RNF213: variants seen among roughly 807,000 people sequenced by gnomAD.
The protein encoded by RNF213 is ring finger protein 213.
RNF213 carries 341 observed loss-of-function variants against 514.4 expected under a neutral mutation model. The observed-to-expected ratio is 0.66, with a 90% CI of 0.61 to 0.73. The LOEUF is 0.73. Ranked by LOEUF, RNF213 falls within the 30% of genes least tolerant of loss-of-function variation. The pLI, the probability that RNF213 is intolerant of heterozygous loss-of-function variation, is 0.00. For missense variants in RNF213, 5,767 were observed against 6,615.6 expected, an observed-to-expected ratio of 0.87 and a Z score of 4.45; for synonymous variants, 2,655 against 2,658.2, an observed-to-expected ratio of 1.00 and a Z score of 0.04.
intron 1 of RNF213, among the ~76,000 whole-genome samples, chr17:80,262,740 C>G (rs563391103): frequency 6.6e-6 from 1 of 152,326 alleles, no homozygotes; most frequent in African/African-American, 2.4e-5. Context: ...CCACACAGGT[C>G]AAGCCAGGGA....
intron 57 of RNF213, chr17:80,382,630 G>C (rs1204592973): frequency 3.0e-6 from 1 of 338,230 alleles, no homozygotes; most frequent in African/African-American, 2.2e-5. Context: ...CTCCACATCT[G>C]TGTGGTCTGC....
intron 55 of RNF213, among the ~76,000 whole-genome samples, chr17:80,380,216 C>A (rs2079932255): frequency 6.6e-6 from 1 of 152,204 alleles, no homozygotes; most frequent in East Asian, 1.9e-4. Context: ...ATCCCACAAT[C>A]CCATGCTGAG....
intron 19 of RNF213, among the ~76,000 whole-genome samples, 154 bp from the exon 20 acceptor site, chr17:80,328,174 T>C (rs1196440013): frequency 6.6e-6 from 1 of 152,244 alleles, no homozygotes; most frequent in Non-Finnish European, 1.5e-5. Context: ...GGGAAAGTGA[T>C]AAAATAATGG....
intron 56 of RNF213, chr17:80,381,322 C>A (rs1458321100): frequency 3.2e-6 from 2 of 617,592 alleles, no homozygotes; most frequent in East Asian, 2.8e-5. Flanking sequence ...ACCAAGATGG[C>A]CAACAGTACA....
chr17:80,273,189 C>T (rs1038231022), intron 2 of RNF213, 52 bp from the exon 3 acceptor site: 87 of 1,609,046 alleles, frequency 5.4e-5, no homozygotes, highest in Non-Finnish European at 7.3e-5. Flanking sequence ...TTTTTCCTTC[C>T]TAACACTCGC....
intron 25 of RNF213, 38 bp from the exon 26 acceptor site, chr17:80,339,163 T>C: frequency 6.9e-7 from 1 of 1,446,248 alleles, no homozygotes. Context: ...CCCTCTCGCA[T>C]GGCTCTGTGA....
At chr17:80,370,831 C>T (rs1423742231) in intron 46 of RNF213, among the ~76,000 whole-genome samples, 6 of 152,188 alleles carry the variant, frequency 3.9e-5, no homozygotes, top group Non-Finnish European at 8.8e-5. Context: ...TCCTGGAAAT[C>T]AGCAAAGTGA....
rs376786732 is a variant in RNF213, at chr17:80,289,788, G to A, written c.1063G>A (p.Glu355Lys). 2.9e-5 allele frequency: 46 copies of A among 1,613,264 alleles called. No individual in the cohort carries two copies. Among genetic ancestry groups the A allele is most frequent in the Non-Finnish European group, 3.6e-5 (43 of 1,179,800 alleles). The change falls in exon 6 of 68, where the codon GAG becomes AAG. Residue 355 changes from glutamate (E) to lysine (K), a missense_variant. Physicochemically the swap from Glu to Lys is moderately conservative, Grantham distance 56. Coordinates refer to ENST00000582970, the MANE Select transcript of RNF213 (RefSeq NM_001256071.3). ...KNRSAAAVKN[E>K]KEQKNQEADV... The stretch of plus-strand genomic sequence containing the variant: ...CAGAAGTGCAGCTGCTGTGAAAAAC[G>A]AGAAGGAGCAAAAAAACCAGGAAGC...
rs1221201130 is a variant in RNF213, at chr17:80,394,632, T to C, written c.*1134T>C. 1 of 152,206 alleles carries C rather than the reference T, an allele frequency of 6.6e-6. No individual in the cohort carries two copies. The highest frequency in any genetic ancestry group is 2.4e-5 in the African/African-American group (1 of 41,442). The allele number at this position is 152,206 out of a possible 1,614,324, so 9.4% of individuals were successfully genotyped here. On this transcript the variant is annotated 3_prime_UTR_variant, in exon 68 of 68. Coordinates refer to ENST00000582970, the MANE Select transcript of RNF213 (RefSeq NM_001256071.3). ...CAGTATCCTTAATATTCATTCTAAA[T>C]GAGTTAACGACTTAACTTGAAATTG...
At position 80,388,663 on chromosome 17, in the gene RNF213, A is replaced by G. The variant is rs747883098; in HGVS notation, c.14974A>G (p.Met4992Val). The G allele has an allele frequency of 3.7e-6, 6 of 1,612,268 alleles. No individual in the cohort carries two copies. The highest frequency in any genetic ancestry group is 1.8e-4 in the Middle Eastern group (1 of 5,564). ...CGACTGGAACTATGAACATCTCTTT[A>G]TGGACATCAAGAACAAAATGGCACA... ...RHDWNYEHLF[M>V]DIKNKMAQDS... The change falls in exon 64 of 68, where the codon ATG (methionine) becomes GTG (valine). Residue 4992 changes from methionine to valine, a missense_variant. This residue lies in a region of RNF213 where 1,245 missense variants were observed against 1,339.0 expected (regional missense o/e 0.93). Coordinates refer to ENST00000582970, the MANE Select transcript of RNF213 (RefSeq NM_001256071.3).
intron 31 of RNF213, among the ~76,000 whole-genome samples, chr17:80,350,953 CAGT>C (rs1364274543): frequency 1.3e-5 from 2 of 152,344 alleles, no homozygotes; most frequent in East Asian, 1.9e-4. Context: ...AGGGAAACAA[CAGT>C]AGGTAAATGC....
chr17:80,274,052 C>G (rs935593360), intron 3 of RNF213, among the ~76,000 whole-genome samples: 2 of 152,158 alleles, frequency 1.3e-5, no homozygotes, highest in Non-Finnish European at 2.9e-5. Flanking sequence ...ATTGAGGGTG[C>G]AAGCTCAGAG....
At chr17:80,379,863 CCAGCAGTCACA>C in intron 55 of RNF213, 149 bp downstream of exon 55, 1 of 713,890 alleles carries the variant, frequency 1.4e-6, no homozygotes, top group East Asian at 2.8e-5. Flanking sequence ...TGCCAAAGTC[CCAGCAGTCACA>C]CAGCAGGGAG....
At position 80,295,645 on chromosome 17, in the gene RNF213, C is replaced by T. The variant is rs761268439; in HGVS notation, c.1844C>T (p.Pro615Leu). 5.0e-5 allele frequency: 81 copies of T among 1,613,962 alleles called. 1 individual carries two copies. In the South Asian group the frequency reaches 8.5e-4, roughly 17 times the overall value. ...KSTDFLPVDC[P>L]VRSKLKTGLI... The stretch of plus-strand genomic sequence containing the variant: ...ACGGACTTTTTGCCTGTGGACTGCC[C>T]AGTGAGGAGTAAACTGAAAACAGGC... Residue 615 changes from proline (P) to leucine (L), a missense_variant, in exon 10 of 68, where the codon CCA becomes CTA. Physicochemically the swap from Pro to Leu is moderately conservative, Grantham distance 98 (BLOSUM62 -3). Transcript: ENST00000582970.
rs1297283901 is a variant in RNF213 at position 80,287,957 on chromosome 17, A to G, written c.404A>G (p.His135Arg). 1.2e-5 allele frequency: 19 copies of G among 1,571,618 alleles called. No individual in the cohort carries two copies. The highest frequency in any genetic ancestry group is 1.6e-5 in the Non-Finnish European group (18 of 1,158,534). Residue 135 changes from histidine to arginine, a missense_variant, in exon 4 of 68, where the codon CAC (histidine) becomes CGC (arginine). His to Arg is a conservative substitution (Grantham distance 29). Coordinates refer to ENST00000582970, the MANE Select transcript of RNF213 (RefSeq NM_001256071.3). ...NPWPQDTALPHSQAQQSGPTG... is the reference protein window; with the variant it reads ...NPWPQDTALPRSQAQQSGPTG... The stretch of plus-strand genomic sequence containing the variant: ...TGGCCTCAGGACACAGCCCTGCCCC[A>G]CAGCCAAGCCCAGCAGAGTGGCCCC...
chr17:80,309,490 G>A (rs1224645341), intron 14 of RNF213, among the ~76,000 whole-genome samples: 1 of 152,146 alleles, frequency 6.6e-6, no homozygotes, highest in Non-Finnish European at 1.5e-5. Context: ...AACGCCACGC[G>A]GAGAAGACGA....
At chr17:80,390,329 C>CA (rs1375232095) in intron 67 of RNF213, 133 bp downstream of exon 67, 4 of 1,008,290 alleles carry the variant, frequency 4.0e-6, no homozygotes, top group Non-Finnish European at 5.9e-6. Flanking sequence ...ATTACCAGGG[C>CA]ACCTGAGGAC....
chr17:80,372,476 T>C, intron 47 of RNF213, 45 bp from the exon 48 acceptor site: 1 of 1,451,176 alleles, frequency 6.9e-7, no homozygotes, highest in Non-Finnish European at 9.6e-7. Context: ...GGCATCCATG[T>C]TTAAAAAAAT....
intron 59 of RNF213, 133 bp from the exon 60 acceptor site, chr17:80,384,906 C>T: frequency 1.1e-6 from 1 of 939,026 alleles, no homozygotes; most frequent in Non-Finnish European, 1.7e-6. Flanking sequence ...AAGCTCCACG[C>T]TGCATCACAG....
Sources: allele counts gnomAD v4.1 joint callset (sites outside exome capture counted in the v4.1 genomes callset), GRCh38; gene constraint gnomAD v4.1.1; regional missense constraint gnomAD v4.1.1; transcripts MANE v1.5; gene names NCBI Gene and HGNC (gene_info 2026-07-23, HGNC 2026-07-21).